PACRG: variants seen among roughly 807,000 people sequenced by gnomAD.
The protein encoded by PACRG is parkin coregulated gene protein.
Under a neutral mutation model 29.7 loss-of-function variants are expected in PACRG, and 29 were observed. The observed-to-expected ratio is 0.98, with a 90% CI of 0.73 to 1.33. PACRG has a LOEUF of 1.33. Among genes scored for constraint, PACRG ranks in the 40% most tolerant of loss-of-function variants. PACRG has a pLI of 0.00. For synonymous variants in PACRG, 116 were observed against 118.7 expected (o/e 0.98, Z 0.15); for missense variants, 279 against 316.2 (o/e 0.88, Z 0.89).
chr6:163,020,332 T>C (rs1163996562), intron 2 of PACRG, among the ~76,000 whole-genome samples: 1 of 152,118 alleles, frequency 6.6e-6, no homozygotes, highest in Non-Finnish European at 1.5e-5. Flanking sequence ...ACATATGGAG[T>C]TGTGAACCAG....
At chr6:163,138,233 TTGGATC>T (rs1817015803) in intron 4 of PACRG, among the ~76,000 whole-genome samples, 1 of 152,216 alleles carries the variant, frequency 6.6e-6, no homozygotes, top group South Asian at 2.1e-4. Context: ...ACACCTCAGC[TTGGATC>T]TGGACGTTTT....
chr6:162,734,462 A>G (rs1780008688), intron 1 of PACRG, among the ~76,000 whole-genome samples: 1 of 152,140 alleles, frequency 6.6e-6, no homozygotes, highest in African/African-American at 2.4e-5. Flanking sequence ...TATATCAAAC[A>G]TCTTCCTATC....
intron 2 of PACRG, among the ~76,000 whole-genome samples, chr6:162,867,035 T>C (rs1792354881): frequency 6.6e-6 from 1 of 152,218 alleles, no homozygotes; most frequent in Admixed American, 6.5e-5. Context: ...TAAGTGATAC[T>C]TAGCTGATAA....
At chr6:163,254,291 G>T (rs1057472842) in intron 4 of PACRG, among the ~76,000 whole-genome samples, 1 of 152,092 alleles carries the variant, frequency 6.6e-6, no homozygotes, top group Non-Finnish European at 1.5e-5. Context: ...AAAAATATGC[G>T]CCTGAAAGAG....
chr6:163,204,420 T>C (rs1284932054), intron 4 of PACRG, among the ~76,000 whole-genome samples: 2 of 152,372 alleles, frequency 1.3e-5, no homozygotes, highest in East Asian at 3.9e-4. Flanking sequence ...TTAATATTTT[T>C]CTGTGTGTTT....
chr6:162,820,208 T>G (rs926804133), intron 2 of PACRG, among the ~76,000 whole-genome samples: 1 of 152,236 alleles, frequency 6.6e-6, no homozygotes, highest in Non-Finnish European at 1.5e-5. Context: ...AATCAGCCTT[T>G]ATAATTTCCA....
At chr6:163,004,143 A>C (rs1408707) in intron 2 of PACRG, among the ~76,000 whole-genome samples, 14,978 of 151,918 alleles carry the variant, frequency 0.099, 2,265 homozygotes, top group African/African-American at 0.32. Context: ...TCATGAAAAG[A>C]TTTTAAAATT....
chr6:163,059,018 G>T (rs1810862210), intron 2 of PACRG, among the ~76,000 whole-genome samples: 1 of 151,676 alleles, frequency 6.6e-6, no homozygotes. Flanking sequence ...GGCAGAGGTT[G>T]CAGTGAGCCG....
chr6:163,191,555 C>T (rs542612878), intron 4 of PACRG: 16 of 433,144 alleles, frequency 3.7e-5, no homozygotes, highest in Non-Finnish European at 7.4e-5. Context: ...TAGGGTTTCT[C>T]CTAGCTCAAG....
intron 2 of PACRG, among the ~76,000 whole-genome samples, chr6:162,900,012 G>A (rs1181399732): frequency 6.6e-6 from 1 of 152,094 alleles, no homozygotes; most frequent in African/African-American, 2.4e-5. Flanking sequence ...GGGAGCAAAA[G>A]GGTCTGGCTG....
chr6:162,806,313 G>A (rs1172305362), intron 1 of PACRG, among the ~76,000 whole-genome samples: 2 of 151,588 alleles, frequency 1.3e-5, no homozygotes, highest in Non-Finnish European at 2.9e-5. Flanking sequence ...TCACCATGTT[G>A]GTCAGGCTGG....
chr6:163,067,341 C>T (rs1249297174), intron 3 of PACRG, among the ~76,000 whole-genome samples: 1 of 152,180 alleles, frequency 6.6e-6, no homozygotes, highest in Non-Finnish European at 1.5e-5. Flanking sequence ...GTCCTGGACA[C>T]GAGAGCCAGG....
At chr6:163,095,205 T>C in intron 4 of PACRG, 1 of 954,720 alleles carries the variant, frequency 1.0e-6, no homozygotes, top group Non-Finnish European at 1.2e-6. Context: ...TGAGGTTAAA[T>C]GCCTTTCCTC....
chr6:163,048,303 G>T (rs1278826780), intron 2 of PACRG, among the ~76,000 whole-genome samples: 1 of 152,164 alleles, frequency 6.6e-6, no homozygotes, highest in East Asian at 1.9e-4. Context: ...TATGGGATCT[G>T]CTATAGGTTT....
intron 1 of PACRG, among the ~76,000 whole-genome samples, chr6:162,743,593 A>G (rs1190435098): frequency 6.6e-6 from 1 of 152,028 alleles, no homozygotes; most frequent in African/African-American, 2.4e-5. Context: ...TCCAGTTTTG[A>G]TAATGGATTT....
At chr6:163,112,104 G>A in intron 4 of PACRG, 1 of 910,752 alleles carries the variant, frequency 1.1e-6, no homozygotes, top group Non-Finnish European at 1.3e-6. Flanking sequence ...CTGGGAAGAT[G>A]GTAGAGTAAA....
At chr6:163,184,883 T>A (rs1779845691) in intron 4 of PACRG, 1 of 151,914 alleles carries the variant, frequency 6.6e-6, no homozygotes, top group Non-Finnish European at 1.5e-5. Flanking sequence ...TGAATGGGAA[T>A]GATAAGAGGA....
rs141388113 is a variant in PACRG at position 163,027,454 on chromosome 6, A to G, written c.292-34696A>G. Among the ~76,000 whole-genome samples the G allele has an allele frequency of 1.0e-3, 159 of 152,324 alleles. 1 individual carries two copies. Among genetic ancestry groups the G allele is most frequent in the African/African-American group, 3.7e-3 (154 of 41,578 alleles). ...TTAAAATTGCTGTTTCCAAATGTCA[A>G]CTGAATTTCTAGAATTCATTTAATG... is the stretch of plus-strand genomic sequence containing the variant. On this transcript the variant is annotated intron_variant, in intron 2 of 4. Coordinates refer to ENST00000366888, the MANE Select transcript of PACRG (RefSeq NM_001080379.2).
At chr6:162,957,837 A>G (rs543473257) in intron 2 of PACRG, among the ~76,000 whole-genome samples, 1 of 152,282 alleles carries the variant, frequency 6.6e-6, no homozygotes, top group South Asian at 2.1e-4. Flanking sequence ...GTACCTAGAG[A>G]CACAAATAGA....
Sources: allele counts gnomAD v4.1 joint callset (sites outside exome capture counted in the v4.1 genomes callset), GRCh38; gene constraint gnomAD v4.1.1; transcripts MANE v1.5; gene names NCBI Gene and HGNC (gene_info 2026-07-23, HGNC 2026-07-21).